Variants in UBE2N observed in about 807,000 individuals in gnomAD.
UBE2N encodes the protein ubiquitin-conjugating enzyme E2 N.
For synonymous variants in UBE2N, 70 were observed against 69.2 expected (o/e 1.01, Z -0.06); for missense variants, 60 against 192.1 (o/e 0.31, Z 4.07).
intron 1 of UBE2N, among the ~76,000 whole-genome samples, chr12:93,413,508 C>A (rs147567443): frequency 6.6e-6 from 1 of 152,076 alleles, no homozygotes; most frequent in Admixed American, 6.6e-5. Context: ...TAACTACCTG[C>A]TTGATATACA....
intron 1 of UBE2N, among the ~76,000 whole-genome samples, chr12:93,418,707 T>C (rs1457131074): frequency 2.0e-5 from 3 of 151,976 alleles, no homozygotes; most frequent in African/African-American, 7.3e-5. Context: ...CACGTAAGTA[T>C]TTAAAAATTT....
At chr12:93,420,701 T>C (rs1878382161) in intron 1 of UBE2N, among the ~76,000 whole-genome samples, 1 of 152,190 alleles carries the variant, frequency 6.6e-6, no homozygotes, top group African/African-American at 2.4e-5. Flanking sequence ...GTAAATTCCA[T>C]CTCAGGAACA....
In UBE2N at chr12:93,432,177, A is replaced by T. The variant is rs184640912; in HGVS notation, c.30+9678T>A. On this transcript the variant is annotated intron_variant, in intron 1 of 3. Transcript: ENST00000318066. ...AACCCGGGAGGCAGAGGTTGCAGTGAGCCAAGTCACGTCACTGCATTCCAG... is the reference window on the plus strand; with the variant it reads ...AACCCGGGAGGCAGAGGTTGCAGTGTGCCAAGTCACGTCACTGCATTCCAG... Among the ~76,000 whole-genome samples the T allele has an allele frequency of 1.3e-4, 20 of 152,298 alleles. 1 individual carries two copies. Among genetic ancestry groups the T allele is most frequent in the African/African-American group, 4.8e-4 (20 of 41,560 alleles).
At chr12:93,436,990 G>A (rs776670345) in intron 1 of UBE2N, among the ~76,000 whole-genome samples, 4 of 152,192 alleles carry the variant, frequency 2.6e-5, no homozygotes, top group East Asian at 3.9e-4. Flanking sequence ...GGCCAGGCAC[G>A]GTGGTTCATG....
intron 1 of UBE2N, among the ~76,000 whole-genome samples, chr12:93,412,803 A>G (rs1361627013): frequency 6.6e-6 from 1 of 152,264 alleles, no homozygotes; most frequent in African/African-American, 2.4e-5. Context: ...AATAAGGAAG[A>G]GGAACAGGCT....
At chr12:93,432,476 CAA>C (rs1277904471) in intron 1 of UBE2N, among the ~76,000 whole-genome samples, 7 of 109,122 alleles carry the variant, frequency 6.4e-5, no homozygotes, top group African/African-American at 1.2e-4. Flanking sequence ...TTAAGAGTCA[CAA>C]AAAAAAAAAA....
At chr12:93,422,489 G>A (rs1380833550) in intron 1 of UBE2N, among the ~76,000 whole-genome samples, 3 of 152,158 alleles carry the variant, frequency 2.0e-5, no homozygotes, top group Admixed American at 1.3e-4. Flanking sequence ...CATGGTCCTC[G>A]AGGCACTATT....
chr12:93,421,291 T>A (rs913294385), intron 1 of UBE2N, among the ~76,000 whole-genome samples: 3 of 151,772 alleles, frequency 2.0e-5, no homozygotes, highest in African/African-American at 7.3e-5. Context: ...AAGCTCCACC[T>A]CCCGGGTTCA....
intron 1 of UBE2N, among the ~76,000 whole-genome samples, chr12:93,439,268 T>C (rs1879027581): frequency 6.6e-6 from 1 of 152,136 alleles, no homozygotes; most frequent in African/African-American, 2.4e-5. Flanking sequence ...GGGTGGATTG[T>C]GTGAGGTCAA....
chr12:93,433,272 T>G (rs1340921311), intron 1 of UBE2N, among the ~76,000 whole-genome samples: 1 of 152,134 alleles, frequency 6.6e-6, no homozygotes, highest in Non-Finnish European at 1.5e-5. Flanking sequence ...AATGGTGTCA[T>G]GTAGCCCTTG....
intron 1 of UBE2N, among the ~76,000 whole-genome samples, chr12:93,419,322 G>A (rs750262515): frequency 1.1e-4 from 17 of 151,928 alleles, no homozygotes; most frequent in Non-Finnish European, 2.1e-4. Flanking sequence ...CCTGGGAGAC[G>A]GAGGTTGCAG....
intron 1 of UBE2N, among the ~76,000 whole-genome samples, chr12:93,420,931 G>A (rs1489936251): frequency 6.6e-6 from 1 of 151,818 alleles, no homozygotes; most frequent in East Asian, 1.9e-4. Flanking sequence ...ATAAAAGCAG[G>A]GACCACATGC....
At chr12:93,429,337 C>G (rs757540522) in intron 1 of UBE2N, 4 of 414,978 alleles carry the variant, frequency 9.6e-6, no homozygotes, top group South Asian at 7.1e-5. Flanking sequence ...CAAGATAACT[C>G]TAACATATTT....
At chr12:93,423,774 T>C (rs1878490127) in intron 1 of UBE2N, among the ~76,000 whole-genome samples, 1 of 152,226 alleles carries the variant, frequency 6.6e-6, no homozygotes, top group African/African-American at 2.4e-5. Flanking sequence ...CTTATTGCTA[T>C]ATGCTTCTTT....
intron 1 of UBE2N, among the ~76,000 whole-genome samples, chr12:93,434,037 A>G (rs1434244453): frequency 1.3e-5 from 2 of 152,188 alleles, no homozygotes; most frequent in Non-Finnish European, 2.9e-5. Flanking sequence ...TCACTCCCGT[A>G]GTCCCAGCAC....
rs184452534 is a variant in UBE2N, at chr12:93,422,071, A to G, written c.31-10772T>C. 6.7e-5 allele frequency among the ~76,000 whole-genome samples: 10 copies of G among 150,362 alleles called. No individual in the cohort carries two copies. In the East Asian group the frequency reaches 1.9e-3, roughly 29 times the overall value. ...TTTTTAAAGTTTTCTGGAAAGATTAAAAACCTCGTCTCCATCTTTTTTCCC... is the reference window on the plus strand; with the variant it reads ...TTTTTAAAGTTTTCTGGAAAGATTAGAAACCTCGTCTCCATCTTTTTTCCC... On this transcript the variant is annotated intron_variant, in intron 1 of 3. Transcript: ENST00000318066.
At chr12:93,410,935 A>G in intron 2 of UBE2N, 61 bp from the exon 3 acceptor site, 1 of 1,613,982 alleles carries the variant, frequency 6.2e-7, no homozygotes, top group Non-Finnish European at 8.5e-7. Flanking sequence ...GAACTGCTTC[A>G]CTTCCCTCCC....
At position 93,410,102 on chromosome 12, in the gene UBE2N, G is replaced by A. The variant is rs146955474; in HGVS notation, c.419-23C>T. Reference sequence around the variant, plus strand: ...TAGCTGTAGACAGAAACAAACATACGATTATTATTTTACTTAGTTCAATAT... The same window carrying A: ...TAGCTGTAGACAGAAACAAACATACAATTATTATTTTACTTAGTTCAATAT... On this transcript the variant is annotated intron_variant, in intron 3 of 3. Coordinates refer to ENST00000318066, the MANE Select transcript of UBE2N (RefSeq NM_003348.4). 3.1e-4 allele frequency: 505 copies of A among 1,609,090 alleles called. 3 individuals are homozygous for A. The African/African-American group carries it at 5.9e-3, about 19-fold the overall frequency.
chr12:93,434,119 G>A (rs184293547), intron 1 of UBE2N, among the ~76,000 whole-genome samples: 6 of 152,128 alleles, frequency 3.9e-5, no homozygotes, highest in Non-Finnish European at 8.8e-5. Flanking sequence ...GGTGAAACCC[G>A]TCTCTACTAA....
Sources: allele counts gnomAD v4.1 joint callset (sites outside exome capture counted in the v4.1 genomes callset), GRCh38; gene constraint gnomAD v4.1.1; transcripts MANE v1.5; gene names NCBI Gene and HGNC (gene_info 2026-07-23, HGNC 2026-07-21).